The following TRIM39 variants were observed in gnomAD, a reference collection of about 807,000 sequenced individuals.
The protein encoded by TRIM39 is E3 ubiquitin-protein ligase TRIM39.
TRIM39 carries 5 observed loss-of-function variants against 53.6 expected under a neutral mutation model. That is an observed-to-expected ratio of 0.09 (90% CI 0.05 to 0.20). TRIM39 has a LOEUF of 0.20. TRIM39 is among the 10% of genes least tolerant of loss of function. TRIM39 has a pLI of 1.00. For synonymous variants in TRIM39, 196 were observed against 237.6 expected (o/e 0.82, Z 1.61); for missense variants, 310 against 621.0 (o/e 0.50, Z 5.32).
chr6:30,337,795 G>A (rs373456743), intron 5 of TRIM39, among the ~76,000 whole-genome samples: 5 of 152,130 alleles, frequency 3.3e-5, no homozygotes, highest in Admixed American at 2.6e-4. Flanking sequence ...GACTTCTCTC[G>A]AACTGTGAAA....
intron 1 of TRIM39, 118 bp downstream of exon 1, chr6:30,327,113 T>C (rs1785432811): frequency 6.6e-6 from 1 of 152,272 alleles, no homozygotes. Flanking sequence ...TAACCACAGC[T>C]GCCTCCGCCC....
In TRIM39 at chr6:30,335,232, A is replaced by G. The variant is rs1177656930; in HGVS notation, c.550-513A>G. Among the ~76,000 whole-genome samples, 1 of 152,206 alleles carries G rather than the reference A, an allele frequency of 6.6e-6. No individual in the cohort carries two copies. Among genetic ancestry groups the G allele is most frequent in the Non-Finnish European group, 1.5e-5 (1 of 68,032 alleles). The stretch of plus-strand genomic sequence containing the variant: ...ATGGAGCCATTCTTTACAGAAGGAA[A>G]TTCCAATGGAATAAAAAATGAGTGT... On this transcript the variant is annotated intron_variant, in intron 4 of 7. Coordinates refer to ENST00000396551, the Ensembl canonical transcript of TRIM39. This position sits in a 1 kb window ranked among gnomAD's most constrained non-coding sequence, Gnocchi z 4.7.
chr6:30,334,790 G>T (rs1366607603), intron 4 of TRIM39, among the ~76,000 whole-genome samples: 1 of 152,182 alleles, frequency 6.6e-6, no homozygotes, highest in African/African-American at 2.4e-5. Flanking sequence ...CTGGAGGGCA[G>T]TAGTGATCAC....
rs528801240 is a variant in TRIM39 at position 30,335,163 on chromosome 6, G to A, written c.550-582G>A. Among the ~76,000 whole-genome samples, 2 of 152,138 alleles carry A rather than the reference G, an allele frequency of 1.3e-5. No homozygotes were observed. Among genetic ancestry groups the A allele is most frequent in the African/African-American group, 2.4e-5 (1 of 41,494 alleles). On this transcript the variant is annotated intron_variant, in intron 4 of 7. Transcript: ENST00000396551. This position sits in a 1 kb window ranked among gnomAD's most constrained non-coding sequence, Gnocchi z 4.7. The stretch of plus-strand genomic sequence containing the variant: ...TAAATTAAAACAAATATATATATCC[G>A]CAGTGGTCTTCACTACCAAGTCATC...
At chr6:30,340,426 G>A in intron 6 of TRIM39, 79 bp from the exon 7 acceptor site, 2 of 1,609,994 alleles carry the variant, frequency 1.2e-6, no homozygotes, top group South Asian at 1.1e-5. Context: ...CCCTAAAAAT[G>A]TTAACATCTG....
rs1488830336 is a variant in TRIM39, at chr6:30,340,586, C to T, written c.885C>T (p.Tyr295=). 5 of 1,612,944 alleles carry T rather than the reference C, an allele frequency of 3.1e-6. No homozygotes were observed. In the African/African-American group the frequency reaches 6.7e-5, roughly 22 times the overall value. ...ACTTCAGCAATTTTCCCCGACAGTA[C>T]TTTGCCCTAAGGAAAATCCTTAAAC... Residue 295 remains tyrosine, a synonymous_variant, in exon 7 of 8, where the codon TAC becomes TAT. Transcript: ENST00000396551.
Position 30,342,043 on chromosome 6 carries a change from C to A in TRIM39, c.1251C>A (p.Thr417=). Reference sequence around the variant, plus strand: ...ATGCAGCCACCACCACACCTTTTACCCCTTTGCACATCAAGGTGAAACCCA... The same window carrying A: ...ATGCAGCCACCACCACACCTTTTACACCTTTGCACATCAAGGTGAAACCCA... The change falls in exon 8 of 8, where the codon ACC becomes ACA. Residue 417 remains threonine (T), a synonymous_variant. Coordinates refer to ENST00000396551, the Ensembl canonical transcript of TRIM39. The surrounding 1 kb of genome is among the most constrained non-coding windows in gnomAD (Gnocchi z 4.7). The A allele has an allele frequency of 1.2e-6, 2 of 1,613,050 alleles. No individual in the cohort carries two copies. Among genetic ancestry groups the A allele is most frequent in the Non-Finnish European group, 1.7e-6 (2 of 1,180,022 alleles).
At position 30,342,380 on chromosome 6, in the gene TRIM39, A is replaced by AC; in HGVS notation, c.*122dup. 9.3e-7 allele frequency: 1 copy of AC among 1,077,010 alleles called. No individual in the cohort carries two copies. Among genetic ancestry groups the AC allele is most frequent in the Non-Finnish European group, 1.3e-6 (1 of 741,970 alleles). The allele number at this position is 1,077,010 out of a possible 1,614,324, so 66.7% of individuals were successfully genotyped here. On this transcript the variant is annotated 3_prime_UTR_variant, in exon 8 of 8. Transcript: ENST00000396551. The surrounding 1 kb of genome is among the most constrained non-coding windows in gnomAD (Gnocchi z 4.7). ...TCCAGTCCTGAATCATCTTGGAGAA[A>AC]CACCTTGGTTTCTAGGATGGTTTTG...
chr6:30,342,311 C>T lies in TRIM39; in HGVS notation c.*52C>T. The T allele has an allele frequency of 3.8e-6, 6 of 1,571,466 alleles. No individual in the cohort carries two copies. The South Asian group carries it at 7.0e-5, about 18-fold the overall frequency. ...GTGAGGCAGGGTCAAGTGCTACGGG[C>T]CTCCTTCCCGTGTCCTGCTGGAACG... is the stretch of plus-strand genomic sequence containing the variant. On this transcript the variant is annotated 3_prime_UTR_variant, in exon 8 of 8. Coordinates refer to ENST00000396551, the Ensembl canonical transcript of TRIM39. This position sits in a 1 kb window ranked among gnomAD's most constrained non-coding sequence, Gnocchi z 4.7.
At chr6:30,326,785 C>A in exon 1 of TRIM39, 1 of 153,102 alleles carries the variant, frequency 6.5e-6, no homozygotes, top group Non-Finnish European at 1.5e-5. Context: ...TCATCGCCAG[C>A]CCTCCTCCTC....
intron 5 of TRIM39, among the ~76,000 whole-genome samples, chr6:30,337,790 C>T (rs1450891549): frequency 6.6e-6 from 1 of 152,196 alleles, no homozygotes; most frequent in Non-Finnish European, 1.5e-5. Context: ...GCATTGACTT[C>T]TCTCGAACTG....
intron 3 of TRIM39, among the ~76,000 whole-genome samples, chr6:30,330,324 A>G (rs1785979978): frequency 6.6e-6 from 1 of 152,244 alleles, no homozygotes; most frequent in African/African-American, 2.4e-5. Flanking sequence ...ATTTTATCAT[A>G]TACTTTGCTT....
intron 4 of TRIM39, among the ~76,000 whole-genome samples, chr6:30,332,767 T>A (rs946416205): frequency 9.2e-5 from 14 of 152,198 alleles, no homozygotes; most frequent in African/African-American, 3.4e-4. Flanking sequence ...AACAGAACTG[T>A]CCTGTTTTTT....
exon 3 of TRIM39, chr6:30,329,687 G>C (rs535089239): frequency 6.2e-7 from 1 of 1,613,108 alleles, no homozygotes; most frequent in East Asian, 2.2e-5. Context: ...GGACCAGGAG[G>C]CTGTATGCTT....
At chr6:30,334,942 G>A (rs1242307345) in intron 4 of TRIM39, among the ~76,000 whole-genome samples, 1 of 151,960 alleles carries the variant, frequency 6.6e-6, no homozygotes, top group African/African-American at 2.4e-5. Context: ...ATGTTTCCTA[G>A]GTTGGTCTTG....
chr6:30,330,939 G>A lies in TRIM39; in HGVS notation c.549+63G>A, dbSNP rs540775890. On this transcript the variant is annotated intron_variant, in intron 4 of 7. Transcript: ENST00000396551. The stretch of plus-strand genomic sequence containing the variant: ...GTATTTGCCTATGAGGGAATTAACT[G>A]TACACTATTTAATCCACCAGTTCCG... 1.9e-5 allele frequency: 29 copies of A among 1,555,670 alleles called. 1 individual carries two copies. In the South Asian group the frequency reaches 3.3e-4, roughly 18 times the overall value.
intron 4 of TRIM39, among the ~76,000 whole-genome samples, chr6:30,333,247 AGCTATT>A (rs1022193457): frequency 1.3e-5 from 2 of 152,166 alleles, no homozygotes; most frequent in African/African-American, 4.8e-5. Context: ...GGTTTTATTC[AGCTATT>A]GCTGAAAAAT....
chr6:30,340,007 G>C, intron 6 of TRIM39, 77 bp downstream of exon 6: 3 of 1,609,220 alleles, frequency 1.9e-6, no homozygotes, highest in Non-Finnish European at 2.5e-6. Context: ...AGTTTGGGTT[G>C]GGGGTGAGGT....
rs537796167 is a variant in TRIM39 at position 30,329,872 on chromosome 6, T to C, written c.453+102T>C. On this transcript the variant is annotated intron_variant, in intron 3 of 7. Coordinates refer to ENST00000396551, the Ensembl canonical transcript of TRIM39. ...GATCGTAAGCTCCTACTACTCACTTTGTATTCTCAGAGCTGCATATGCAGG... is the reference window on the plus strand; with the variant it reads ...GATCGTAAGCTCCTACTACTCACTTCGTATTCTCAGAGCTGCATATGCAGG... 8.8e-5 allele frequency: 128 copies of C among 1,450,036 alleles called. No homozygotes were observed. The African/African-American group carries it at 1.8e-3, about 20-fold the overall frequency. The allele number at this position is 1,450,036 out of a possible 1,614,324, so 89.8% of individuals were successfully genotyped here. A position where few individuals can be genotyped will look rare whatever the true frequency, so the allele number is the denominator to read the frequency against.
Sources: allele counts gnomAD v4.1 joint callset (sites outside exome capture counted in the v4.1 genomes callset), GRCh38; gene constraint gnomAD v4.1.1; non-coding constraint Gnocchi (gnomAD v3.1); transcripts MANE v1.5; gene names NCBI Gene and HGNC (gene_info 2026-07-23, HGNC 2026-07-21).